The following PSD3 variants were observed in gnomAD, a reference collection of about 807,000 sequenced individuals.
The protein encoded by PSD3 is PH and SEC7 domain-containing protein 3.
PSD3 carries 49 observed loss-of-function variants against 105.5 expected under a neutral mutation model. That is an observed-to-expected ratio of 0.46 (90% confidence interval 0.37 to 0.59). PSD3 has a LOEUF of 0.59. Among genes scored for constraint, PSD3 ranks in the 20% least tolerant of loss-of-function variants. The probability of loss-of-function intolerance (pLI) is 0.00; values close to 1 mark genes in which losing one functional copy is unlikely to be tolerated. For missense variants in PSD3, 1,561 were observed against 1,263.8 expected, an observed-to-expected ratio of 1.24 and a Z score of -3.57; for synonymous variants, 557 against 457.8, an observed-to-expected ratio of 1.22 and a Z score of -2.77.
intron 1 of PSD3, among the ~76,000 whole-genome samples, chr8:19,040,786 G>A (rs1828096196): frequency 6.6e-6 from 1 of 152,182 alleles, no homozygotes; most frequent in African/African-American, 2.4e-5. Flanking sequence ...TTTAGAAAAG[G>A]GAAGAAATCA....
chr8:18,934,936 G>A (rs1822009081), intron 2 of PSD3, among the ~76,000 whole-genome samples: 1 of 152,128 alleles, frequency 6.6e-6, no homozygotes, highest in Non-Finnish European at 1.5e-5. Context: ...CTCCTTCTAG[G>A]AAAATGCCTT....
intron 2 of PSD3, among the ~76,000 whole-genome samples, chr8:18,910,637 T>TAAAA (rs34392783): frequency 0.039 from 3,726 of 94,840 alleles, no homozygotes; most frequent in African/African-American, 0.056. Context: ...TAGAGTATAA[T>TAAAA]AAAAAAAAAA....
chr8:19,044,159 C>A (rs557852551), intron 1 of PSD3, among the ~76,000 whole-genome samples: 33 of 152,330 alleles, frequency 2.2e-4, no homozygotes, highest in South Asian at 8.3e-4. Context: ...TTTTCAGGAC[C>A]TTTCCATTTG....
chr8:18,818,794 A>G (rs1008472562), intron 4 of PSD3, among the ~76,000 whole-genome samples: 7 of 152,172 alleles, frequency 4.6e-5, no homozygotes, highest in Non-Finnish European at 8.8e-5. Context: ...CAAGGCCTTT[A>G]CATTTATAAT....
intron 1 of PSD3, among the ~76,000 whole-genome samples, chr8:18,938,099 T>C (rs974192680): frequency 3.3e-5 from 5 of 152,176 alleles, no homozygotes; most frequent in Non-Finnish European, 7.3e-5. Context: ...AAGCGTTTTA[T>C]GGGATACAGT....
intron 1 of PSD3, among the ~76,000 whole-genome samples, chr8:19,029,397 T>A (rs898061380): frequency 2.0e-5 from 3 of 152,198 alleles, no homozygotes; most frequent in South Asian, 2.1e-4. Flanking sequence ...ATGCTGCTAA[T>A]AAAGACATAC....
In PSD3 at chr8:18,778,748, C is replaced by T. The variant is rs114280046; in HGVS notation, c.2083-13210G>A. Among the ~76,000 whole-genome samples the T allele has an allele frequency of 5.9e-3, 902 of 151,706 alleles. 12 individuals are homozygous for T. Among genetic ancestry groups the T allele is most frequent in the African/African-American group, 0.021 (855 of 41,408 alleles). On this transcript the variant is annotated intron_variant, in intron 8 of 15. Transcript: ENST00000327040. ...AATATAATTTTTGACCTTTTTGTGA[C>T]GTATCATGTTTATTGATTTACATAT...
At chr8:18,678,672 G>A (rs571504139) in intron 9 of PSD3, among the ~76,000 whole-genome samples, 7 of 133,572 alleles carry the variant, frequency 5.2e-5, no homozygotes, top group African/African-American at 2.0e-4. Flanking sequence ...TTAGCCGGAC[G>A]TGGTGGCGCA....
intron 1 of PSD3, among the ~76,000 whole-genome samples, chr8:18,943,417 G>C (rs1322876607): frequency 6.6e-6 from 1 of 152,064 alleles, no homozygotes; most frequent in African/African-American, 2.4e-5. Context: ...TCTTATAAAA[G>C]CACAAACCCA....
chr8:18,748,649 G>C (rs1351255191), intron 9 of PSD3, among the ~76,000 whole-genome samples: 2 of 134,254 alleles, frequency 1.5e-5, no homozygotes, highest in Admixed American at 8.4e-5. Flanking sequence ...GACAGAGCGA[G>C]ACTCCGTCTC....
In PSD3 at chr8:18,804,727, A is replaced by G. The variant is rs376866256; in HGVS notation, c.1806T>C (p.Asp602=). The G allele has an allele frequency of 1.3e-5, 21 of 1,613,902 alleles. No individual in the cohort carries two copies. Among genetic ancestry groups the G allele is most frequent in the South Asian group, 2.2e-5 (2 of 91,026 alleles). The change falls in exon 5 of 16, where the codon GAT becomes GAC. Residue 602 remains aspartate, a synonymous_variant. Coordinates refer to ENST00000327040, the MANE Select transcript of PSD3 (RefSeq NM_015310.4). ...LYQLDRFKRS[D]VAKHLGKNNE... ...ACTTCTTGCCAAGGTGTTTTGCAAC[A>G]TCTGATCTTTTGAATCTGTCCAGCT... is the stretch of plus-strand genomic sequence containing the variant.
intron 1 of PSD3, among the ~76,000 whole-genome samples, chr8:19,036,673 G>T (rs1004739785): frequency 1.3e-5 from 2 of 152,100 alleles, no homozygotes. Context: ...TTATCCATGC[G>T]TAAACTGAGA....
At chr8:18,991,486 G>A (rs907371486) in intron 1 of PSD3, among the ~76,000 whole-genome samples, 2 of 151,934 alleles carry the variant, frequency 1.3e-5, no homozygotes, top group African/African-American at 4.8e-5. Flanking sequence ...TACAGGCAGG[G>A]CCTTCTCTGA....
At chr8:18,649,084 A>T (rs553278554) in intron 10 of PSD3, among the ~76,000 whole-genome samples, 1 of 152,326 alleles carries the variant, frequency 6.6e-6, no homozygotes, top group East Asian at 1.9e-4. Context: ...TGGTGCCCCA[A>T]CAAAGAGTCC....
intron 7 of PSD3, 37 bp from the exon 8 acceptor site, chr8:18,799,390 C>G: frequency 6.6e-7 from 1 of 1,513,890 alleles, no homozygotes; most frequent in South Asian, 1.1e-5. Context: ...CATGAATTCG[C>G]TTTTCACTGT....
At chr8:18,742,419 C>T (rs929124139) in intron 9 of PSD3, among the ~76,000 whole-genome samples, 2 of 152,100 alleles carry the variant, frequency 1.3e-5, no homozygotes, top group East Asian at 3.8e-4. Flanking sequence ...CAGAATGACA[C>T]AGGCATCAAA....
intron 1 of PSD3, among the ~76,000 whole-genome samples, chr8:18,986,326 T>C (rs1825493953): frequency 6.6e-6 from 1 of 152,208 alleles, no homozygotes. Context: ...TTGTTTTTGT[T>C]AGTGCTTTTA....
intron 1 of PSD3, among the ~76,000 whole-genome samples, chr8:19,009,688 G>A (rs921684618): frequency 2.6e-5 from 4 of 152,186 alleles, no homozygotes; most frequent in African/African-American, 9.7e-5. Flanking sequence ...TCAGGAGTTT[G>A]AGACCAGCCT....
At chr8:18,536,445 G>C (rs1261179905) in intron 15 of PSD3, among the ~76,000 whole-genome samples, 1 of 152,138 alleles carries the variant, frequency 6.6e-6, no homozygotes, top group African/African-American at 2.4e-5. Flanking sequence ...TGCCTTGAGG[G>C]ACCATTCCGT....
Sources: allele counts gnomAD v4.1 joint callset (sites outside exome capture counted in the v4.1 genomes callset), GRCh38; gene constraint gnomAD v4.1.1; transcripts MANE v1.5; gene names NCBI Gene and HGNC (gene_info 2026-07-23, HGNC 2026-07-21).